Variants in HR observed in about 807,000 individuals in gnomAD.
HR encodes lysine-specific demethylase hairless.
A neutral mutation model predicts 128.6 loss-of-function variants in HR; 83 were observed. The observed-to-expected ratio is 0.65, with a 90% confidence interval of 0.54 to 0.77. The LOEUF (loss-of-function observed/expected upper bound fraction) is 0.77, where lower values mean the gene tolerates loss of function less well. Among genes scored for constraint, HR ranks in the 30% least tolerant of loss-of-function variants. The pLI is 0.00. For synonymous variants in HR, 681 were observed against 658.2 expected, an observed-to-expected ratio of 1.03 and a Z score of -0.53; for missense variants, 1,490 against 1,574.6, an observed-to-expected ratio of 0.95 and a Z score of 0.91.
At chr8:22,115,814 C>T in intron 18 of HR, 52 bp from the exon 19 acceptor site, 5 of 1,536,260 alleles carry the variant, frequency 3.3e-6, no homozygotes, top group Non-Finnish European at 4.5e-6. Context: ...CTGGGCCCAC[C>T]CGCTGTCCCC....
intron 9 of HR, 146 bp from the exon 10 acceptor site, chr8:22,121,374 T>A (rs1483098900): frequency 8.9e-7 from 1 of 1,117,898 alleles, no homozygotes; most frequent in African/African-American, 1.6e-5. Context: ...CTGCTCTGGG[T>A]CTCCCCGCTC....
chr8:22,126,617 A>C (rs1826896706), intron 3 of HR, among the ~76,000 whole-genome samples: 1 of 152,228 alleles, frequency 6.6e-6, no homozygotes, highest in South Asian at 2.1e-4. Context: ...CCTTGCTATG[A>C]ATCATTCTAG....
At chr8:22,118,816 C>T (rs762847051) in intron 16 of HR, 134 bp downstream of exon 16, 53 of 721,850 alleles carry the variant, frequency 7.3e-5, no homozygotes, top group Non-Finnish European at 1.2e-4. Context: ...CCTGTCTGTG[C>T]GAGTTGGGTC....
In HR at chr8:22,128,717, G is replaced by C. The variant is rs1488559162; in HGVS notation, c.454C>G (p.Leu152Val). The C allele has an allele frequency of 1.9e-6, 3 of 1,585,954 alleles. No individual in the cohort carries two copies. The Admixed American group carries it at 5.5e-5, about 29-fold the overall frequency. ...GGCACCCAGAAGGGAGCTCGCTCCA[G>C]GATCTTGGTCTCCAGAAGGAAAGGG... Reference protein sequence around the residue: ...HCPFLLETKILERAPFWVPTC... With the variant: ...HCPFLLETKIVERAPFWVPTC... Residue 152 changes from leucine (L) to valine (V), a missense_variant, in exon 2 of 19, where the codon CTG (leucine) becomes GTG (valine). By Grantham distance (32) the Leu-to-Val change is conservative. Transcript: ENST00000381418.
chr8:22,120,062 C>A, intron 13 of HR, 42 bp downstream of exon 13: 1 of 1,567,162 alleles, frequency 6.4e-7, no homozygotes. Context: ...GCGGGGCCTG[C>A]GGTGGCGGGG....
At chr8:22,123,617 T>TGA in intron 6 of HR, 32 bp downstream of exon 6, 6 of 292,092 alleles carry the variant, frequency 2.1e-5, no homozygotes, top group South Asian at 6.1e-5. Flanking sequence ...GAGGGCTCCA[T>TGA]CCCGCCCTCC....
intron 16 of HR, 121 bp downstream of exon 16, chr8:22,118,829 T>C (rs1826656752): frequency 1.2e-6 from 1 of 817,158 alleles, no homozygotes; most frequent in Non-Finnish European, 2.0e-6. Context: ...GTTGGGTCTG[T>C]GCAGCTCACC....
In HR at chr8:22,125,311, C is replaced by A; in HGVS notation, c.1750G>T (p.Gly584Cys). Residue 584 changes from glycine (G) to cysteine (C), a missense_variant and splice_region_variant, in exon 5 of 19, where the codon GGC becomes TGC. Coordinates refer to ENST00000381418, the MANE Select transcript of HR (RefSeq NM_005144.5). Reference sequence around the variant, plus strand: ...CGCAGACCCAGGAGGTCCTGTTCACCTTCCCGCTGGGCCCAAGCCAGGGCC... The same window carrying A: ...CGCAGACCCAGGAGGTCCTGTTCACATTCCCGCTGGGCCCAAGCCAGGGCC... ...REALAWAQRE[G>C]QGPAVTEDSP... 1 of 1,569,242 alleles carries A rather than the reference C, an allele frequency of 6.4e-7. No homozygotes were observed. Among genetic ancestry groups the A allele is most frequent in the East Asian group, 2.4e-5 (1 of 42,474 alleles).
At chr8:22,123,140 G>A (rs1033064199) in intron 6 of HR, among the ~76,000 whole-genome samples, 11 of 152,234 alleles carry the variant, frequency 7.2e-5, no homozygotes, top group African/African-American at 2.7e-4. Flanking sequence ...TGACCCTGGA[G>A]CTCTTTCTGG....
At position 22,125,707 on chromosome 8, in the gene HR, G is replaced by A; in HGVS notation, c.1431C>T (p.Leu477=). 6.2e-7 allele frequency: 1 copy of A among 1,613,978 alleles called. No homozygotes were observed. The highest frequency in any genetic ancestry group is 8.5e-7 in the Non-Finnish European group (1 of 1,180,018). ...GTATGTCCTGAAGTCCCGGGTCCTG[G>A]AGACTGGCCTGGCCATCTTGGGGTC... ...QKGPQDGQAS[L]QDPGLQDIPC... Residue 477 remains leucine (L), a synonymous_variant, in exon 4 of 19, where the codon CTC becomes CTT. Transcript: ENST00000381418.
At chr8:22,125,842 G>A in intron 3 of HR, 110 bp from the exon 4 acceptor site, 7 of 1,274,878 alleles carry the variant, frequency 5.5e-6, no homozygotes, top group Non-Finnish European at 2.2e-6. Context: ...CCAGTTCCTC[G>A]CCCCAGGTCT....
chr8:22,118,411 T>G (rs1445527607), intron 16 of HR: 2 of 159,962 alleles, frequency 1.3e-5, no homozygotes, highest in African/African-American at 4.8e-5. Flanking sequence ...TGCTAGCCCC[T>G]CCGGGAGCAT....
chr8:22,126,430 C>T (rs1826893197), intron 3 of HR, among the ~76,000 whole-genome samples: 2 of 152,366 alleles, frequency 1.3e-5, no homozygotes, highest in Admixed American at 6.5e-5. Flanking sequence ...AGAGCCCTAA[C>T]ACTGGCAGAG....
chr8:22,120,058 C>A, intron 13 of HR, 46 bp downstream of exon 13: 5 of 1,567,200 alleles, frequency 3.2e-6, no homozygotes, highest in East Asian at 2.3e-5. Context: ...CCAGGCGGGG[C>A]CTGCGGTGGC....
intron 6 of HR, 86 bp downstream of exon 6, chr8:22,123,563 G>T (rs926464233): frequency 1.5e-6 from 2 of 1,354,638 alleles, no homozygotes; most frequent in South Asian, 2.7e-5. Context: ...GCTTTTTGGG[G>T]AGAGGCAGCC....
intron 16 of HR, chr8:22,118,474 C>T (rs537069962): frequency 1.0e-4 from 18 of 175,140 alleles, no homozygotes; most frequent in East Asian, 4.7e-4. Context: ...GGTGGGCAGC[C>T]GGACGGAGTC....
At chr8:22,118,915 G>A (rs573836097) in intron 16 of HR, 35 bp downstream of exon 16, 14 of 1,557,640 alleles carry the variant, frequency 9.0e-6, no homozygotes, top group African/African-American at 2.7e-5. Context: ...AGGGCTGGGC[G>A]GGGGGAAGGG....
At chr8:22,115,813 C>A (rs760508193) in intron 18 of HR, 51 bp from the exon 19 acceptor site, 1 of 1,536,016 alleles carries the variant, frequency 6.5e-7, no homozygotes, top group South Asian at 1.1e-5. Flanking sequence ...CCTGGGCCCA[C>A]CCGCTGTCCC....
chr8:22,127,975 G>A lies in HR; in HGVS notation c.613-146C>T, dbSNP rs1184116291. On this transcript the variant is annotated intron_variant, in intron 2 of 18. Transcript: ENST00000381418. ...TAAACAGCACTGCCCTAGGTCTCTG[G>A]AGTGCCTCTGACACTGTCCTGGCAA... The A allele has an allele frequency of 4.8e-6, 4 of 828,450 alleles. No individual in the cohort carries two copies. The Admixed American group carries it at 7.9e-5, about 16-fold the overall frequency. The allele number at this position is 828,450 out of a possible 1,614,324, so 51.3% of individuals were successfully genotyped here.
Sources: gnomAD v4.1 joint callset for allele counts (sites outside exome capture counted in the v4.1 genomes callset) on GRCh38, gnomAD v4.1.1 for gene constraint, MANE v1.5 for transcripts, NCBI Gene and HGNC (gene_info 2026-07-23, HGNC 2026-07-21) for gene names.